Variants in SASH1 observed in about 807,000 individuals in gnomAD.
SASH1 encodes the protein SAM and SH3 domain containing 1, also known as SAM and SH3 domain-containing protein 1.
Under a neutral mutation model 125.2 loss-of-function variants are expected in SASH1, and 44 were observed. The observed-to-expected ratio is 0.35, with a 90% CI of 0.28 to 0.45. SASH1 has a LOEUF of 0.45. SASH1 is among the 20% of genes least tolerant of loss of function. The pLI is 1.00. For missense variants in SASH1, 1,426 were observed against 1,614.5 expected (o/e 0.88, Z 2.00); for synonymous variants, 639 against 649.1 (o/e 0.98, Z 0.24).
At chr6:148,489,277 A>G (rs564419083) in intron 8 of SASH1, among the ~76,000 whole-genome samples, 21 of 152,258 alleles carry the variant, frequency 1.4e-4, no homozygotes, top group Admixed American at 1.2e-3. Context: ...TTGATTGATC[A>G]TATATGTGAT....
At chr6:148,411,480 G>A (rs938190652) in intron 2 of SASH1, among the ~76,000 whole-genome samples, 11 of 152,128 alleles carry the variant, frequency 7.2e-5, no homozygotes, top group Non-Finnish European at 1.2e-4. Flanking sequence ...AAAGAAAACA[G>A]AAATGCCATT....
At chr6:148,473,989 C>A in intron 6 of SASH1, 121 bp from the exon 7 acceptor site, 1 of 653,818 alleles carries the variant, frequency 1.5e-6, no homozygotes, top group Non-Finnish European at 2.7e-6. Flanking sequence ...CAGTAACGTT[C>A]AACATACATA....
intron 8 of SASH1, among the ~76,000 whole-genome samples, chr6:148,490,060 AAAAAATAATAATAAT>A (rs1369523295): frequency 2.0e-5 from 2 of 98,134 alleles, no homozygotes; most frequent in Non-Finnish European, 4.8e-5. Context: ...TGTCTTCTGC[AAAAAATAATAATAAT>A]AATAATAATA....
chr6:148,260,930 G>A, the SASH1 span, among the ~76,000 whole-genome samples: 12 of 148,668 alleles, frequency 8.1e-5, no homozygotes, highest in African/African-American at 1.5e-4. Context: ...TCAGCCTCCC[G>A]AGTAGCTGGG....
intron 16 of SASH1, among the ~76,000 whole-genome samples, chr6:148,539,662 T>C (rs1562497563): frequency 6.6e-6 from 1 of 152,236 alleles, no homozygotes; most frequent in Non-Finnish European, 1.5e-5. Context: ...TATCTGTTAC[T>C]CAGCTTCCAA....
intron 1 of SASH1, among the ~76,000 whole-genome samples, chr6:148,343,777 G>A (rs1399342935): frequency 6.6e-6 from 1 of 152,182 alleles, no homozygotes; most frequent in African/African-American, 2.4e-5. Flanking sequence ...CATGTATTTT[G>A]AAATGTCCAG....
At chr6:148,301,275 G>A (rs1254129126) in intron 1 of SASH1, among the ~76,000 whole-genome samples, 6 of 144,342 alleles carry the variant, frequency 4.2e-5, no homozygotes, top group Admixed American at 2.1e-4. Context: ...GCAGTGAGCC[G>A]AGATCGTGCC....
rs188627624 is a variant in SASH1, at chr6:148,453,018, G to A, written c.386+12611G>A. On this transcript the variant is annotated intron_variant, in intron 4 of 19. Transcript: ENST00000367467. ...TTGCACAGCATATTTGAAGGGCTCAGCATTCCAGAATGCAGGAGCTTGGGG... is the reference window on the plus strand; with the variant it reads ...TTGCACAGCATATTTGAAGGGCTCAACATTCCAGAATGCAGGAGCTTGGGG... Among the ~76,000 whole-genome samples, 12 of 152,380 alleles carry A rather than the reference G, an allele frequency of 7.9e-5. No homozygotes were observed. In the East Asian group the frequency reaches 2.3e-3, roughly 29 times the overall value.
chr6:148,213,854 T>G, the SASH1 span, among the ~76,000 whole-genome samples: 1 of 152,200 alleles, frequency 6.6e-6, no homozygotes, highest in Non-Finnish European at 1.5e-5. Context: ...GCATCTTAAC[T>G]GTCTAGTTTA....
intron 1 of SASH1, among the ~76,000 whole-genome samples, chr6:148,326,333 T>TATATATATATATATATATATATATATGC (rs1780803411): frequency 4.6e-5 from 3 of 65,638 alleles, no homozygotes; most frequent in African/African-American, 1.9e-4. Context: ...CATATATATA[T>TATATATATATATATATATATATATATGC]ATATATATAT....
Position 148,519,635 on chromosome 6 carries a change from T to C in SASH1, c.951T>C (p.Phe317=), listed in dbSNP as rs1290034311. ...YSGVHKKPLF[F]DGSPEKPPED... ...GCGTGCACAAGAAGCCCCTTTTCTTTGATGGCTCTCCTGAGAAACCTCCCG... is the reference window on the plus strand; with the variant it reads ...GCGTGCACAAGAAGCCCCTTTTCTTCGATGGCTCTCCTGAGAAACCTCCCG... Residue 317 remains phenylalanine (F), a synonymous_variant, in exon 10 of 20, where the codon TTT becomes TTC. Transcript: ENST00000367467. The surrounding 1 kb of genome is among the most constrained non-coding windows in gnomAD (Gnocchi z 4.8). The C allele has an allele frequency of 4.3e-6, 7 of 1,614,146 alleles. No homozygotes were observed. In the East Asian group the frequency reaches 1.6e-4, roughly 36 times the overall value.
At position 148,533,056 on chromosome 6, in the gene SASH1, T is replaced by A; in HGVS notation, c.1734+90T>A. 7.2e-7 allele frequency: 1 copy of A among 1,382,776 alleles called. No individual in the cohort carries two copies. The highest frequency in any genetic ancestry group is 2.3e-5 in the East Asian group (1 of 43,602). The allele number at this position is 1,382,776 out of a possible 1,614,324, so 85.7% of individuals were successfully genotyped here. A position where few individuals can be genotyped will look rare whatever the true frequency, so the allele number is the denominator to read the frequency against. Reference sequence around the variant, plus strand: ...TCCTCCTCACTGTTGAATGCTGGGCTACTATGGTACAGACTGGACAGTATC... The same window carrying A: ...TCCTCCTCACTGTTGAATGCTGGGCAACTATGGTACAGACTGGACAGTATC... On this transcript the variant is annotated intron_variant, in intron 14 of 19. Transcript: ENST00000367467. This position sits in a 1 kb window ranked among gnomAD's most constrained non-coding sequence, Gnocchi z 6.2.
intron 7 of SASH1, among the ~76,000 whole-genome samples, chr6:148,485,992 C>G (rs1778821023): frequency 1.3e-5 from 2 of 152,210 alleles, no homozygotes; most frequent in Admixed American, 1.3e-4. Context: ...CTGTGTAACA[C>G]TCTCTCACAT....
chr6:148,264,177 G>GA, the SASH1 span, among the ~76,000 whole-genome samples: 573 of 137,232 alleles, frequency 4.2e-3, 5 homozygotes, highest in African/African-American at 0.012. Flanking sequence ...TATTTTGACC[G>GA]AAAAAAAAAA....
chr6:148,440,091 C>T (rs987699554), intron 2 of SASH1, 93 bp from the exon 3 acceptor site: 101 of 1,230,988 alleles, frequency 8.2e-5, no homozygotes, highest in Admixed American at 2.2e-4. Flanking sequence ...CAACCTTTCC[C>T]GAATCCTCCC....
chr6:148,361,734 TG>T, intron 1 of SASH1, among the ~76,000 whole-genome samples: 1 of 152,002 alleles, frequency 6.6e-6, no homozygotes, highest in East Asian at 1.9e-4. Flanking sequence ...AATATGACCC[TG>T]GCCATGGCAG....
intron 1 of SASH1, among the ~76,000 whole-genome samples, chr6:148,379,633 G>T (rs1231201177): frequency 2.0e-5 from 3 of 151,944 alleles, no homozygotes; most frequent in Non-Finnish European, 4.4e-5. Flanking sequence ...CCATCCATCT[G>T]TTCATTCATT....
intron 9 of SASH1, among the ~76,000 whole-genome samples, chr6:148,514,669 G>A (rs574915705): frequency 1.5e-4 from 22 of 147,750 alleles, no homozygotes; most frequent in East Asian, 3.9e-4. Context: ...GGTGTCAGGC[G>A]TTTGGGGTGC....
At chr6:148,444,507 G>A (rs1417925188) in intron 4 of SASH1, among the ~76,000 whole-genome samples, 7 of 152,170 alleles carry the variant, frequency 4.6e-5, no homozygotes, top group Admixed American at 2.6e-4. Context: ...TAGGTAAGTA[G>A]GTGTGTGGAA....
Sources: allele counts gnomAD v4.1 joint callset (sites outside exome capture counted in the v4.1 genomes callset), GRCh38; gene constraint gnomAD v4.1.1; non-coding constraint Gnocchi (gnomAD v3.1); transcripts MANE v1.5; gene names NCBI Gene and HGNC (gene_info 2026-07-23, HGNC 2026-07-21).